ADGRL2: variants seen among roughly 807,000 people sequenced by gnomAD.
ADGRL2 encodes the protein adhesion G protein-coupled receptor L2.
Under a neutral mutation model 157.4 loss-of-function variants are expected in ADGRL2, and 44 were observed. The observed-to-expected ratio is 0.28, with a 90% CI of 0.22 to 0.36. The LOEUF (loss-of-function observed/expected upper bound fraction) is 0.36, where lower values mean the gene tolerates loss of function less well. ADGRL2 is among the 10% of genes least tolerant of loss of function. The pLI is 1.00. For missense variants in ADGRL2, 1,510 were observed against 1,768.9 expected (o/e 0.85, Z 2.63); for synonymous variants, 585 against 624.7 (o/e 0.94, Z 0.95).
intron 2 of ADGRL2, among the ~76,000 whole-genome samples, chr1:81,769,556 T>A (rs1203010179): frequency 2.0e-5 from 3 of 151,768 alleles, no homozygotes; most frequent in Non-Finnish European, 4.4e-5. Context: ...TGTCTATCCC[T>A]TTACCAATAT....
chr1:81,951,837 A>G (rs1651901157), intron 8 of ADGRL2, 120 bp from the exon 9 acceptor site: 1 of 615,610 alleles, frequency 1.6e-6, no homozygotes, highest in Admixed American at 3.3e-5. Context: ...ATCAGTCTCA[A>G]TTAGTTGGAG....
At chr1:81,883,532 A>G (rs551833749) in intron 2 of ADGRL2, among the ~76,000 whole-genome samples, 8 of 152,318 alleles carry the variant, frequency 5.3e-5, no homozygotes, top group Admixed American at 5.2e-4. Context: ...TTAAAATAAA[A>G]TAAAAATGGG....
chr1:81,397,313 CTTTTTTTTTTTTT>C (rs59449077), intron 1 of ADGRL2, among the ~76,000 whole-genome samples: 1 of 53,616 alleles, frequency 1.9e-5, no homozygotes, highest in Non-Finnish European at 3.3e-5. Context: ...ATAATGTCTC[CTTTTTTTTTTTTT>C]TTTTTTTTTT....
chr1:81,391,466 A>G (rs11163271), intron 1 of ADGRL2, among the ~76,000 whole-genome samples: 1 of 152,156 alleles, frequency 6.6e-6, no homozygotes, highest in African/African-American at 2.4e-5. Flanking sequence ...AGGGAAAACA[A>G]AGAGAATTTG....
chr1:81,636,527 T>C (rs543896448), intron 3 of ADGRL2, among the ~76,000 whole-genome samples: 28 of 152,146 alleles, frequency 1.8e-4, no homozygotes, highest in African/African-American at 6.5e-4. Flanking sequence ...GAAACTCTAA[T>C]GGGAATGGAT....
At chr1:81,502,808 C>G in intron 2 of ADGRL2, 1 of 1,612,168 alleles carries the variant, frequency 6.2e-7, no homozygotes, top group East Asian at 2.2e-5. Flanking sequence ...TACTCACCTG[C>G]TGCGGCTACT....
At chr1:81,868,952 A>G (rs2093622119) in intron 2 of ADGRL2, among the ~76,000 whole-genome samples, 2 of 152,272 alleles carry the variant, frequency 1.3e-5, no homozygotes, top group Middle Eastern at 3.4e-3. Flanking sequence ...CATATAAAGT[A>G]TATGCAGGGG....
At chr1:81,951,724 T>C (rs892553729) in intron 8 of ADGRL2, among the ~76,000 whole-genome samples, 7 of 151,880 alleles carry the variant, frequency 4.6e-5, no homozygotes, top group Non-Finnish European at 1.5e-5. Context: ...TGAGAAAGGA[T>C]TTTTTTTCCT....
intron 2 of ADGRL2, among the ~76,000 whole-genome samples, chr1:81,883,028 A>G (rs935403221): frequency 2.0e-5 from 3 of 152,236 alleles, no homozygotes; most frequent in Non-Finnish European, 4.4e-5. Flanking sequence ...TGACAGCTCA[A>G]ACTATCTCTG....
At chr1:81,959,793 T>A (rs6678899) in intron 11 of ADGRL2, among the ~76,000 whole-genome samples, 1 of 152,006 alleles carries the variant, frequency 6.6e-6, no homozygotes, top group African/African-American at 2.4e-5. Flanking sequence ...GATAGATATG[T>A]CAGTTGAGTT....
At chr1:81,462,298 C>A (rs1433008260) in intron 2 of ADGRL2, among the ~76,000 whole-genome samples, 2 of 152,196 alleles carry the variant, frequency 1.3e-5, no homozygotes, top group Non-Finnish European at 2.9e-5. Context: ...GCAGCAGCAA[C>A]CTGCTCTGCT....
At chr1:81,825,899 G>C (rs1367587399) in intron 1 of ADGRL2, among the ~76,000 whole-genome samples, 1 of 152,110 alleles carries the variant, frequency 6.6e-6, no homozygotes, top group East Asian at 1.9e-4. Context: ...GATGGAAGGT[G>C]ATAAATCAGC....
At chr1:81,840,228 C>T (rs1478899781) in intron 2 of ADGRL2, among the ~76,000 whole-genome samples, 1 of 152,024 alleles carries the variant, frequency 6.6e-6, no homozygotes, top group Non-Finnish European at 1.5e-5. Flanking sequence ...AGTCTTCTGA[C>T]TTTCAGTAGA....
chr1:81,572,273 A>G (rs1410252918), intron 2 of ADGRL2, among the ~76,000 whole-genome samples: 1 of 152,218 alleles, frequency 6.6e-6, no homozygotes, highest in Non-Finnish European at 1.5e-5. Flanking sequence ...GGTTATATCT[A>G]TAGCTTAAAA....
intron 2 of ADGRL2, among the ~76,000 whole-genome samples, chr1:81,773,748 C>T (rs2086467692): frequency 6.6e-6 from 1 of 152,070 alleles, no homozygotes; most frequent in Middle Eastern, 3.4e-3. Flanking sequence ...CCTGGTTGGT[C>T]GATTTAAATT....
Position 81,679,046 on chromosome 1 carries a change from C to T in ADGRL2, c.-142-82765C>T, listed in dbSNP as rs527936825. Among the ~76,000 whole-genome samples the T allele has an allele frequency of 2.0e-5, 3 of 152,304 alleles. No individual in the cohort carries two copies. The South Asian group carries it at 6.2e-4, about 32-fold the overall frequency. ...GCATAAACATGACAAGGAGAAAACA[C>T]ACAGTCCCTCCTCTAAATTACAAAA... On this transcript the variant is annotated intron_variant, in intron 3 of 24. Transcript: ENST00000370721.
intron 2 of ADGRL2, among the ~76,000 whole-genome samples, chr1:81,881,679 T>TCTTG (rs2307801): frequency 0.14 from 21,335 of 152,150 alleles, 1,644 homozygotes; most frequent in Admixed American, 0.21. Context: ...TTCTCATTAG[T>TCTTG]CTTTACTCTG....
intron 1 of ADGRL2, among the ~76,000 whole-genome samples, chr1:81,341,400 AC>A (rs1405212356): frequency 6.6e-6 from 1 of 152,122 alleles, no homozygotes; most frequent in Non-Finnish European, 1.5e-5. Flanking sequence ...GGCAGACAAA[AC>A]AAAAATGATT....
chr1:81,579,060 G>A (rs2080854415), intron 2 of ADGRL2, among the ~76,000 whole-genome samples: 2 of 152,114 alleles, frequency 1.3e-5, no homozygotes, highest in South Asian at 4.1e-4. Context: ...TCAGTTGAAT[G>A]TTTTCCTTTG....
Sources: allele counts gnomAD v4.1 joint callset (sites outside exome capture counted in the v4.1 genomes callset), GRCh38; gene constraint gnomAD v4.1.1; transcripts MANE v1.5; gene names NCBI Gene and HGNC (gene_info 2026-07-23, HGNC 2026-07-21).